INPP5A: variants seen among roughly 807,000 people sequenced by gnomAD.
INPP5A encodes the protein inositol polyphosphate-5-phosphatase A.
A neutral mutation model predicts 65.2 loss-of-function variants in INPP5A; 14 were observed. The ratio of observed to expected loss-of-function variants is 0.21; its 90% CI spans 0.14 to 0.34. INPP5A has a LOEUF of 0.34. INPP5A is among the 10% of genes least tolerant of loss of function. INPP5A has a pLI of 1.00. For synonymous variants in INPP5A, 207 were observed against 208.3 expected, an observed-to-expected ratio of 0.99 and a Z score of 0.05; for missense variants, 431 against 545.6, an observed-to-expected ratio of 0.79 and a Z score of 2.09.
chr10:132,749,323 G>A (rs991238422), intron 9 of INPP5A, among the ~76,000 whole-genome samples, 194 bp from the exon 10 acceptor site: 1 of 149,588 alleles, frequency 6.7e-6, no homozygotes, highest in Non-Finnish European at 1.5e-5. Context: ...GGAGCAGCCA[G>A]CCTCAGGCCC....
intron 1 of INPP5A, among the ~76,000 whole-genome samples, chr10:132,588,925 G>A (rs935804669): frequency 1.4e-4 from 22 of 151,752 alleles, no homozygotes; most frequent in African/African-American, 5.1e-4. Context: ...CCCACGTTCT[G>A]GTGTGTGTCG....
At chr10:132,671,531 A>T (rs1590913149) in intron 4 of INPP5A, among the ~76,000 whole-genome samples, 1 of 152,286 alleles carries the variant, frequency 6.6e-6, no homozygotes, top group Admixed American at 6.5e-5. Context: ...TTGGAAGGAC[A>T]CAACCTTCTT....
intron 11 of INPP5A, among the ~76,000 whole-genome samples, chr10:132,760,588 A>G (rs943004170): frequency 1.3e-5 from 2 of 152,266 alleles, no homozygotes; most frequent in Non-Finnish European, 2.9e-5. Context: ...GGAGGGCCCC[A>G]CACAGCAGAG....
At position 132,780,885 on chromosome 10, in the gene INPP5A, A is replaced by G. The variant is rs1847149355; in HGVS notation, c.1126A>G (p.Ile376Val). The G allele has an allele frequency of 1.3e-6, 2 of 1,547,062 alleles. No individual in the cohort carries two copies. The highest frequency in any genetic ancestry group is 1.8e-6 in the Non-Finnish European group (2 of 1,138,310). Residue 376 changes from isoleucine to valine, a missense_variant, in exon 14 of 16, where the codon ATT (isoleucine) becomes GTT (valine). Ile to Val is a conservative substitution (Grantham distance 29, BLOSUM62 3). Coordinates refer to ENST00000368594, the MANE Select transcript of INPP5A (RefSeq NM_005539.5). ...GGAGAAGGTTGTCACCTATGACCAC[A>G]TTGGGCCCAACGTCTGCATGGGAGA... ...SEEKVVTYDH[I>V]GPNVCMGDHK...
At chr10:132,684,873 G>A (rs1294740543) in intron 4 of INPP5A, among the ~76,000 whole-genome samples, 2 of 152,210 alleles carry the variant, frequency 1.3e-5, no homozygotes, top group Non-Finnish European at 2.9e-5. Flanking sequence ...TCCTTCATTT[G>A]GGGGTCCTGT....
rs2070961145 is a variant in INPP5A at position 132,545,729 on chromosome 10, C to G, written c.75+7558C>G. On this transcript the variant is annotated intron_variant, in intron 1 of 15. Coordinates refer to ENST00000368594, the MANE Select transcript of INPP5A (RefSeq NM_005539.5). This position sits in a 1 kb window ranked among gnomAD's most constrained non-coding sequence, Gnocchi z 4.6. ...CTCAGAGCCCGGTGGGAACCAGGAA[C>G]TGAGCTCAGAGGCTCTGGAGCCCCA... Among the ~76,000 whole-genome samples, 1 of 152,246 alleles carries G rather than the reference C, an allele frequency of 6.6e-6. No homozygotes were observed. The highest frequency in any genetic ancestry group is 2.4e-5 in the African/African-American group (1 of 41,476).
intron 2 of INPP5A, among the ~76,000 whole-genome samples, chr10:132,628,463 C>CGGGGGGGGG (rs55668291): frequency 1.7e-4 from 4 of 23,312 alleles, no homozygotes; most frequent in Non-Finnish European, 4.0e-4. Context: ...GCTCTGGTGG[C>CGGGGGGGGG]GGGGGGGGGG....
intron 4 of INPP5A, among the ~76,000 whole-genome samples, chr10:132,671,624 A>G (rs1313106419): frequency 1.3e-5 from 2 of 152,204 alleles, no homozygotes; most frequent in Non-Finnish European, 1.5e-5. Flanking sequence ...CGGCTCCTCC[A>G]GCATGGGAAG....
intron 1 of INPP5A, among the ~76,000 whole-genome samples, chr10:132,572,481 G>A (rs1014403102): frequency 2.0e-5 from 3 of 152,152 alleles, no homozygotes; most frequent in African/African-American, 7.2e-5. Flanking sequence ...GGGGGATGCT[G>A]AGCACGCCCG....
At chr10:132,580,708 CT>C (rs2071472144) in intron 1 of INPP5A, among the ~76,000 whole-genome samples, 1 of 152,202 alleles carries the variant, frequency 6.6e-6, no homozygotes, top group Non-Finnish European at 1.5e-5. Flanking sequence ...ATAGCTAACA[CT>C]TGTTTATCTG....
At chr10:132,672,095 C>T (rs983254486) in intron 4 of INPP5A, among the ~76,000 whole-genome samples, 8 of 152,282 alleles carry the variant, frequency 5.3e-5, no homozygotes, top group South Asian at 2.1e-4. Context: ...GAGAGAACTA[C>T]GTTTTGTTAA....
At chr10:132,730,308 C>T (rs1007972509) in intron 9 of INPP5A, among the ~76,000 whole-genome samples, 10 of 152,238 alleles carry the variant, frequency 6.6e-5, no homozygotes, top group African/African-American at 9.6e-5. Flanking sequence ...GCCCCCATCA[C>T]GCTGGTGTCC....
chr10:132,761,773 A>G (rs960372826), intron 11 of INPP5A, among the ~76,000 whole-genome samples: 4 of 152,232 alleles, frequency 2.6e-5, no homozygotes, highest in African/African-American at 9.6e-5. Context: ...ACGATCTTAC[A>G]GTTGCAAACT....
chr10:132,582,436 A>G (rs1405188425), intron 1 of INPP5A, among the ~76,000 whole-genome samples: 1 of 124,688 alleles, frequency 8.0e-6, no homozygotes, highest in African/African-American at 3.0e-5. Flanking sequence ...TTTTTTTTTT[A>G]AAGAGACAGG....
intron 1 of INPP5A, among the ~76,000 whole-genome samples, chr10:132,568,973 T>G (rs991027749): frequency 2.7e-5 from 4 of 148,754 alleles, no homozygotes; most frequent in African/African-American, 9.9e-5. Context: ...TGGAGTGCGA[T>G]GGCACGATCT....
At position 132,676,693 on chromosome 10, in the gene INPP5A, C is replaced by A. The variant is rs906186903; in HGVS notation, c.307-13699C>A. Among the ~76,000 whole-genome samples, 21 of 152,174 alleles carry A rather than the reference C, an allele frequency of 1.4e-4. No homozygotes were observed. Among genetic ancestry groups the A allele is most frequent in the Admixed American group, 9.8e-4 (15 of 15,278 alleles). On this transcript the variant is annotated intron_variant, in intron 4 of 15. Transcript: ENST00000368594. The surrounding 1 kb of genome is among the most constrained non-coding windows in gnomAD (Gnocchi z 4.0). ...ACCTGTGGCTGCTCCCTCCTCCTGA[C>A]TCTGCTCCAAGGTGCCACCTGCCCA...
chr10:132,591,537 A>G (rs7907513), intron 1 of INPP5A, among the ~76,000 whole-genome samples: 8,301 of 152,300 alleles, frequency 0.055, 314 homozygotes, highest in South Asian at 0.13. Flanking sequence ...CTCTTACACA[A>G]TGTTCACATA....
chr10:132,688,561 A>G (rs532389993), intron 4 of INPP5A, among the ~76,000 whole-genome samples: 4 of 152,350 alleles, frequency 2.6e-5, no homozygotes, highest in African/African-American at 9.6e-5. Flanking sequence ...TTGTGGGGTC[A>G]TGGTTCTGCC....
intron 2 of INPP5A, among the ~76,000 whole-genome samples, chr10:132,615,968 C>T (rs2072026473): frequency 6.6e-6 from 1 of 152,180 alleles, no homozygotes; most frequent in African/African-American, 2.4e-5. Flanking sequence ...GCACCTGAGG[C>T]CCTGGGCCTG....
Sources: gnomAD v4.1 joint callset for allele counts (sites outside exome capture counted in the v4.1 genomes callset) on GRCh38, gnomAD v4.1.1 for gene constraint, Gnocchi (gnomAD v3.1) non-coding constraint, MANE v1.5 for transcripts, NCBI Gene and HGNC (gene_info 2026-07-23, HGNC 2026-07-21) for gene names.